CDK13: variants seen among roughly 807,000 people sequenced by gnomAD.
The protein encoded by CDK13 is cyclin-dependent kinase 13.
In CDK13, 40 loss-of-function variants were observed where a neutral mutation model predicts 137.6. The ratio of observed to expected loss-of-function variants is 0.29; its 90% CI spans 0.23 to 0.38. The LOEUF (loss-of-function observed/expected upper bound fraction) is 0.38, where lower values mean the gene tolerates loss of function less well. Among genes scored for constraint, CDK13 ranks in the 10% least tolerant of loss-of-function variants. The pLI is 1.00. For missense variants in CDK13, 1,704 were observed against 1,951.8 expected, an observed-to-expected ratio of 0.87 and a Z score of 2.39; for synonymous variants, 869 against 760.1, an observed-to-expected ratio of 1.14 and a Z score of -2.36.
chr7:39,999,667 AG>A (rs1784643114), intron 4 of CDK13, among the ~76,000 whole-genome samples, 167 bp downstream of exon 4: 1 of 152,176 alleles, frequency 6.6e-6, no homozygotes, highest in Non-Finnish European at 1.5e-5. Context: ...GTAAGATATG[AG>A]TACATGTAAG....
At chr7:40,060,267 T>TA (rs1786112680) in intron 7 of CDK13, among the ~76,000 whole-genome samples, 3 of 152,294 alleles carry the variant, frequency 2.0e-5, no homozygotes, top group South Asian at 4.1e-4. Context: ...TAAGATTTTT[T>TA]AAAAAATACA....
At position 39,951,595 on chromosome 7, in the gene CDK13, A is replaced by T; in HGVS notation, c.954A>T (p.Pro318=). The change falls in exon 1 of 14, where the codon CCA becomes CCT. Residue 318 remains proline, a synonymous_variant. Transcript: ENST00000181839. ...ACAGGCGGCGGCGGTCCCTCAGCCC[A>T]CTGGGAGGCCGGGACGACAGCCCGG... ...KAYRRRRSLS[P]LGGRDDSPVS... 6.7e-7 allele frequency: 1 copy of T among 1,491,172 alleles called. No individual in the cohort carries two copies. Among genetic ancestry groups the T allele is most frequent in the Non-Finnish European group, 8.9e-7 (1 of 1,122,960 alleles). The allele number at this position is 1,491,172 out of a possible 1,614,324, so 92.4% of individuals were successfully genotyped here. A position where few individuals can be genotyped will look rare whatever the true frequency, so the allele number is the denominator to read the frequency against.
intron 1 of CDK13, among the ~76,000 whole-genome samples, chr7:39,975,688 T>C (rs897740320): frequency 6.6e-6 from 1 of 152,162 alleles, no homozygotes; most frequent in East Asian, 1.9e-4. Flanking sequence ...AAGAAAATGA[T>C]GCATGCTTAG....
intron 9 of CDK13, chr7:40,071,885 A>C (rs1434158098): frequency 1.3e-5 from 2 of 152,212 alleles, no homozygotes; most frequent in African/African-American, 4.8e-5. Flanking sequence ...ATGTCTGGAA[A>C]ATACCCAAGT....
At chr7:40,014,459 T>C (rs1262203557) in intron 5 of CDK13, among the ~76,000 whole-genome samples, 1 of 148,890 alleles carries the variant, frequency 6.7e-6, no homozygotes, top group African/African-American at 2.5e-5. Context: ...TCTCTTTTTT[T>C]TTTTTTTTTT....
At chr7:40,078,352 A>G (rs1349180753) in intron 10 of CDK13, 2 of 368,268 alleles carry the variant, frequency 5.4e-6, no homozygotes, top group South Asian at 7.3e-5. Context: ...GAACTTTAAT[A>G]AGATCATTTA....
chr7:39,974,477 G>A (rs534399922), intron 1 of CDK13, among the ~76,000 whole-genome samples: 2 of 151,418 alleles, frequency 1.3e-5, no homozygotes, highest in Non-Finnish European at 2.9e-5. Flanking sequence ...AGTTTTCAGG[G>A]TATAAGCCTT....
chr7:40,043,142 A>G (rs1785651822), intron 5 of CDK13, among the ~76,000 whole-genome samples: 1 of 152,182 alleles, frequency 6.6e-6, no homozygotes, highest in African/African-American at 2.4e-5. Context: ...TTTTCATTTA[A>G]TGAATTGAAA....
chr7:39,958,912 C>G (rs1246945665), intron 1 of CDK13, among the ~76,000 whole-genome samples: 1 of 152,122 alleles, frequency 6.6e-6, no homozygotes, highest in East Asian at 1.9e-4. Context: ...CTGAGTCTCA[C>G]CAACACTTGG....
intron 1 of CDK13, among the ~76,000 whole-genome samples, chr7:39,982,137 G>A (rs1308300287): frequency 2.7e-5 from 4 of 150,172 alleles, no homozygotes; most frequent in African/African-American, 9.9e-5. Context: ...TTAGCATTAG[G>A]TATATCTCCT....
intron 1 of CDK13, among the ~76,000 whole-genome samples, chr7:39,954,405 G>A (rs909426990): frequency 6.6e-6 from 1 of 152,184 alleles, no homozygotes; most frequent in African/African-American, 2.4e-5. Context: ...TTTATTACTT[G>A]TGGTAAGTGG....
intron 1 of CDK13, among the ~76,000 whole-genome samples, chr7:39,962,921 A>G (rs150281787): frequency 0.022 from 3,381 of 152,286 alleles, 114 homozygotes; most frequent in African/African-American, 0.078. Flanking sequence ...TTTGTCAAAG[A>G]TCAGATGGTT....
In CDK13 at chr7:40,099,507, T is replaced by A. The variant is rs1032268256; in HGVS notation, c.*4527T>A. The A allele has an allele frequency of 6.6e-6, 1 of 152,224 alleles. No individual in the cohort carries two copies. Among genetic ancestry groups the A allele is most frequent in the African/African-American group, 2.4e-5 (1 of 41,460 alleles). 9.4% of individuals were successfully genotyped at this position (152,224 alleles called of 1,614,324 possible). Reference sequence around the variant, plus strand: ...ACTGTTAACATCTAATGTATTAATATAAGCCATTTGTTTTTTACCATTTTT... The same window carrying A: ...ACTGTTAACATCTAATGTATTAATAAAAGCCATTTGTTTTTTACCATTTTT... On this transcript the variant is annotated 3_prime_UTR_variant, in exon 14 of 14. Transcript: ENST00000181839.
chr7:40,024,854 G>T (rs1485764740), intron 5 of CDK13, among the ~76,000 whole-genome samples: 1 of 151,890 alleles, frequency 6.6e-6, no homozygotes. Context: ...AGTAAAGATG[G>T]GGTTTCACCA....
chr7:40,065,916 C>T (rs1786269690), intron 9 of CDK13, among the ~76,000 whole-genome samples: 1 of 152,046 alleles, frequency 6.6e-6, no homozygotes, highest in Non-Finnish European at 1.5e-5. Context: ...AGACTGAATG[C>T]GGTGGCTCAT....
At position 39,997,528 on chromosome 7, in the gene CDK13, A is replaced by C; in HGVS notation, c.1906A>C (p.Lys636Gln). ...RGNISVKAVKKEVEKKLRCLL... is the reference protein window; with the variant it reads ...RGNISVKAVKQEVEKKLRCLL... ...AAATATTTCAGTAAAAGCAGTTAAA[A>C]AAGAAGTAGAAAAGAAACTCCGATG... Residue 636 changes from lysine to glutamine, a missense_variant, in exon 3 of 14, where the codon AAA becomes CAA. By Grantham distance (53) the Lys-to-Gln change is moderately conservative. Transcript: ENST00000181839. 1 of 1,601,780 alleles carries C rather than the reference A, an allele frequency of 6.2e-7. No individual in the cohort carries two copies. The highest frequency in any genetic ancestry group is 8.5e-7 in the Non-Finnish European group (1 of 1,177,330).
chr7:40,094,220 G>T lies in CDK13; in HGVS notation c.3779G>T (p.Arg1260Leu). ...DRPRILPPDQ[R>L]PPEPPEPPPV... ...CCTCGAATTCTGCCTCCTGACCAAC[G>T]ACCTCCCGAGCCTCCTGAACCACCA... is the stretch of plus-strand genomic sequence containing the variant. Residue 1260 changes from arginine to leucine, a missense_variant, in exon 14 of 14, where the codon CGA becomes CTA. Physicochemically the swap from Arg to Leu is moderately radical, Grantham distance 102. Coordinates refer to ENST00000181839, the MANE Select transcript of CDK13 (RefSeq NM_003718.5). 6.2e-7 allele frequency: 1 copy of T among 1,613,512 alleles called. No individual in the cohort carries two copies. The highest frequency in any genetic ancestry group is 1.1e-5 in the South Asian group (1 of 91,012).
At chr7:39,991,932 G>C (rs1784462687) in intron 2 of CDK13, among the ~76,000 whole-genome samples, 1 of 151,944 alleles carries the variant, frequency 6.6e-6, no homozygotes, top group South Asian at 2.1e-4. Flanking sequence ...CAGGCCTGTA[G>C]TCCCAGCTAC....
Position 39,951,633 on chromosome 7 carries a change from C to A in CDK13, c.992C>A (p.Ala331Asp). The change falls in exon 1 of 14, where the codon GCC (alanine) becomes GAC (aspartate). Residue 331 changes from alanine (A) to aspartate (D), a missense_variant. Coordinates refer to ENST00000181839, the MANE Select transcript of CDK13 (RefSeq NM_003718.5). ...GACGACAGCCCGGTGTCCCACAGGG[C>A]CTCTCAGAGCCTGAGGAGCCGCAAG... ...GRDDSPVSHRASQSLRSRKSP... is the reference protein window; with the variant it reads ...GRDDSPVSHRDSQSLRSRKSP... The A allele has an allele frequency of 6.8e-7, 1 of 1,477,898 alleles. No homozygotes were observed. Among genetic ancestry groups the A allele is most frequent in the South Asian group, 1.4e-5 (1 of 73,396 alleles). 91.5% of individuals were successfully genotyped at this position (1,477,898 alleles called of 1,614,324 possible). A position where few individuals can be genotyped will look rare whatever the true frequency, so the allele number is the denominator to read the frequency against.
Sources: allele counts gnomAD v4.1 joint callset (sites outside exome capture counted in the v4.1 genomes callset), GRCh38; gene constraint gnomAD v4.1.1; transcripts MANE v1.5; gene names NCBI Gene and HGNC (gene_info 2026-07-23, HGNC 2026-07-21).